CNTN5: variants seen among roughly 807,000 people sequenced by gnomAD.
The protein encoded by CNTN5 is contactin-5.
A neutral mutation model predicts 129.1 loss-of-function variants in CNTN5; 77 were observed. The ratio of observed to expected loss-of-function variants is 0.60; its 90% confidence interval spans 0.50 to 0.72. The LOEUF (loss-of-function observed/expected upper bound fraction) is 0.72, where lower values mean the gene tolerates loss of function less well. Among genes scored for constraint, CNTN5 ranks in the 30% least tolerant of loss-of-function variants. The pLI is 0.00. For missense variants in CNTN5, 1,478 were observed against 1,328.8 expected, an observed-to-expected ratio of 1.11 and a Z score of -1.75; for synonymous variants, 509 against 465.6, an observed-to-expected ratio of 1.09 and a Z score of -1.20.
intron 18 of CNTN5, among the ~76,000 whole-genome samples, chr11:100,285,698 T>A (rs906266594): frequency 6.6e-6 from 1 of 152,208 alleles, no homozygotes; most frequent in African/African-American, 2.4e-5. Flanking sequence ...CTCTTCTGAC[T>A]CAAATGGAAA....
intron 6 of CNTN5, among the ~76,000 whole-genome samples, chr11:99,851,500 C>A (rs1461091543): frequency 6.6e-6 from 1 of 152,122 alleles, no homozygotes; most frequent in Non-Finnish European, 1.5e-5. Context: ...TTGCAAACAT[C>A]CTTCAGAAAT....
Position 100,346,887 on chromosome 11 carries a change from C to T in CNTN5, c.3031-3815C>T, listed in dbSNP as rs189079550. The stretch of plus-strand genomic sequence containing the variant: ...CGTGGCTGGAGAGGCCTCACGATCA[C>T]GGCGGAAGGTGAAAGGAACGTCTCA... On this transcript the variant is annotated intron_variant, in intron 23 of 24. Transcript: ENST00000524871. Among the ~76,000 whole-genome samples the T allele has an allele frequency of 3.5e-3, 538 of 152,182 alleles. 4 individuals carry two copies. Among genetic ancestry groups the T allele is most frequent in the African/African-American group, 0.012 (509 of 41,554 alleles).
Position 100,357,037 on chromosome 11 carries a change from G to A in CNTN5, c.*817G>A, listed in dbSNP as rs1952539932. 6.6e-6 allele frequency: 1 copy of A among 151,688 alleles called. No homozygotes were observed. The highest frequency in any genetic ancestry group is 6.6e-5 in the Admixed American group (1 of 15,170). The allele number at this position is 151,688 out of a possible 1,614,324, so 9.4% of individuals were successfully genotyped here. A position where few individuals can be genotyped will look rare whatever the true frequency, so the allele number is the denominator to read the frequency against. On this transcript the variant is annotated 3_prime_UTR_variant, in exon 25 of 25. Coordinates refer to ENST00000524871, the MANE Select transcript of CNTN5 (RefSeq NM_014361.4). ...AAACTGCAGACATGCTGGCATGGGT[G>A]CTAACTTAAAAATGAGATGAATATG...
intron 10 of CNTN5, among the ~76,000 whole-genome samples, chr11:100,066,986 T>C (rs1461315933): frequency 1.3e-5 from 2 of 152,120 alleles, no homozygotes; most frequent in African/African-American, 4.8e-5. Context: ...TAATTCAGTT[T>C]TTAATGTTTT....
intron 9 of CNTN5, among the ~76,000 whole-genome samples, chr11:100,030,643 G>A (rs2137611846): frequency 6.6e-6 from 1 of 152,288 alleles, no homozygotes; most frequent in East Asian, 1.9e-4. Flanking sequence ...GTACATGAAT[G>A]TGTACATTGA....
intron 3 of CNTN5, among the ~76,000 whole-genome samples, chr11:99,644,677 G>C (rs1330422944): frequency 6.6e-6 from 1 of 151,890 alleles, no homozygotes; most frequent in African/African-American, 2.4e-5. Context: ...AATTTATTTT[G>C]GCAAATTATA....
chr11:99,434,761 A>T (rs1205293267), intron 2 of CNTN5, among the ~76,000 whole-genome samples: 3 of 152,166 alleles, frequency 2.0e-5, no homozygotes, highest in Non-Finnish European at 4.4e-5. Flanking sequence ...TTTCTGTATA[A>T]CAGGTGCCCA....
intron 8 of CNTN5, among the ~76,000 whole-genome samples, chr11:99,991,165 G>C (rs1329003759): frequency 6.6e-6 from 1 of 152,218 alleles, no homozygotes; most frequent in Non-Finnish European, 1.5e-5. Context: ...TGACGTAACA[G>C]TCAAAACTCT....
intron 19 of CNTN5, 53 bp from the exon 20 acceptor site, chr11:100,299,109 T>C: frequency 8.4e-7 from 1 of 1,188,608 alleles, no homozygotes; most frequent in Non-Finnish European, 1.2e-6. Flanking sequence ...TTGGAGAAAG[T>C]GGATTTTTAA....
At position 100,191,925 on chromosome 11, in the gene CNTN5, G is replaced by A. The variant is rs571445233; in HGVS notation, c.1708+672G>A. On this transcript the variant is annotated intron_variant, in intron 14 of 24. Transcript: ENST00000524871. ...AGTCCCTTCAGATGTTTTTCACATT[G>A]AGTCTTTAATTGTTTTCACTGTGCA... 2.0e-5 allele frequency among the ~76,000 whole-genome samples: 3 copies of A among 151,830 alleles called. No individual in the cohort carries two copies. The East Asian group carries it at 5.8e-4, about 29-fold the overall frequency.
intron 15 of CNTN5, among the ~76,000 whole-genome samples, chr11:100,210,794 G>A (rs1949014796): frequency 1.3e-5 from 2 of 152,164 alleles, no homozygotes; most frequent in Admixed American, 6.6e-5. Flanking sequence ...TGTGTATGCA[G>A]TCATGATGAT....
intron 1 of CNTN5, among the ~76,000 whole-genome samples, chr11:99,279,595 T>C (rs1021361977): frequency 6.6e-6 from 1 of 151,790 alleles, no homozygotes; most frequent in Non-Finnish European, 1.5e-5. Flanking sequence ...AGCTTTGAAC[T>C]GCATTGGACT....
chr11:99,981,418 G>A (rs1938341851), intron 8 of CNTN5, among the ~76,000 whole-genome samples: 1 of 152,038 alleles, frequency 6.6e-6, no homozygotes, highest in African/African-American at 2.4e-5. Flanking sequence ...ATAGACACAT[G>A]CCTTTCCTCT....
intron 7 of CNTN5, among the ~76,000 whole-genome samples, chr11:99,927,110 G>T (rs1002602338): frequency 2.6e-5 from 4 of 152,192 alleles, no homozygotes; most frequent in African/African-American, 9.6e-5. Flanking sequence ...ATATTATTTG[G>T]ACACAGAGAG....
intron 2 of CNTN5, among the ~76,000 whole-genome samples, chr11:99,440,414 T>G (rs967161431): frequency 6.6e-6 from 1 of 151,522 alleles, no homozygotes; most frequent in South Asian, 2.1e-4. Context: ...ATTTAAAAAA[T>G]TATATATATA....
chr11:99,215,732 A>G (rs1278030552), intron 1 of CNTN5, among the ~76,000 whole-genome samples: 1 of 152,136 alleles, frequency 6.6e-6, no homozygotes, highest in Non-Finnish European at 1.5e-5. Flanking sequence ...ATTGTACTAC[A>G]TTTTCTTTAT....
chr11:100,299,524 C>A, intron 20 of CNTN5, 128 bp downstream of exon 20: 1 of 556,170 alleles, frequency 1.8e-6, no homozygotes, highest in Middle Eastern at 5.0e-4. Flanking sequence ...TCTCACTAAA[C>A]TTTTTGGATA....
At chr11:99,939,112 A>G (rs1481132175) in intron 7 of CNTN5, among the ~76,000 whole-genome samples, 3 of 152,008 alleles carry the variant, frequency 2.0e-5, no homozygotes, top group Admixed American at 6.6e-5. Flanking sequence ...AAAAAGATGA[A>G]CTCATAAGTC....
chr11:99,638,045 T>TAAAACAAA (rs1308529628), intron 3 of CNTN5, among the ~76,000 whole-genome samples: 1 of 150,746 alleles, frequency 6.6e-6, no homozygotes, highest in Non-Finnish European at 1.5e-5. Context: ...GTATTTGTTT[T>TAAAACAAA]TACACTGCTG....
Sources: gnomAD v4.1 joint callset for allele counts (sites outside exome capture counted in the v4.1 genomes callset) on GRCh38, gnomAD v4.1.1 for gene constraint, MANE v1.5 for transcripts, NCBI Gene and HGNC (gene_info 2026-07-23, HGNC 2026-07-21) for gene names.